Variants in TRPC4AP observed in about 807,000 individuals in gnomAD.
The protein encoded by TRPC4AP is transient receptor potential cation channel subfamily C member 4 associated protein, also known as short transient receptor potential channel 4-associated protein.
Under a neutral mutation model 99.0 loss-of-function variants are expected in TRPC4AP, and 45 were observed. The ratio of observed to expected loss-of-function variants is 0.45; its 90% confidence interval spans 0.36 to 0.58. TRPC4AP has a LOEUF of 0.58. Ranked by LOEUF, TRPC4AP falls within the 20% of genes least tolerant of loss-of-function variation. The pLI is 0.00. For missense variants in TRPC4AP, 879 were observed against 985.3 expected (o/e 0.89, Z 1.44); for synonymous variants, 408 against 385.8 (o/e 1.06, Z -0.67).
chr20:35,087,006 TGGG>T (rs2084904108), intron 1 of TRPC4AP, among the ~76,000 whole-genome samples: 1 of 149,092 alleles, frequency 6.7e-6, no homozygotes, highest in Admixed American at 6.7e-5. Flanking sequence ...CACTCCAGCC[TGGG>T]CAACAGCACG....
At chr20:35,031,964 A>G (rs970705133) in intron 8 of TRPC4AP, among the ~76,000 whole-genome samples, 2 of 152,144 alleles carry the variant, frequency 1.3e-5, no homozygotes, top group Non-Finnish European at 2.9e-5. Context: ...CCATCTCAGC[A>G]CACTGCAACC....
chr20:35,079,048 A>C (rs1310968193), intron 1 of TRPC4AP, among the ~76,000 whole-genome samples: 1 of 152,230 alleles, frequency 6.6e-6, no homozygotes, highest in African/African-American at 2.4e-5. Flanking sequence ...CCTGGGCGAC[A>C]GACCAAAACT....
chr20:35,038,036 A>G (rs1030697923), intron 7 of TRPC4AP, among the ~76,000 whole-genome samples: 1 of 151,618 alleles, frequency 6.6e-6, no homozygotes, highest in Non-Finnish European at 1.5e-5. Flanking sequence ...CACAGAGAAA[A>G]AAGCAGAATG....
At chr20:35,072,125 T>C (rs1220294629) in intron 2 of TRPC4AP, among the ~76,000 whole-genome samples, 2 of 152,246 alleles carry the variant, frequency 1.3e-5, no homozygotes, top group Non-Finnish European at 2.9e-5. Flanking sequence ...CAGTTTTTGA[T>C]GGGGCTGTTT....
chr20:35,019,130 C>T (rs561835087), intron 9 of TRPC4AP, among the ~76,000 whole-genome samples: 3 of 152,324 alleles, frequency 2.0e-5, no homozygotes, highest in African/African-American at 4.8e-5. Context: ...AGGAGGAAGC[C>T]TTCTGTGAGG....
chr20:35,015,899 T>C, intron 10 of TRPC4AP, 109 bp downstream of exon 10: 1 of 1,417,000 alleles, frequency 7.1e-7, no homozygotes, highest in Non-Finnish European at 9.6e-7. Flanking sequence ...ATGATTTTAG[T>C]TTCTGCTCTA....
chr20:35,056,985 C>CAAAAA (rs398035624), intron 4 of TRPC4AP, among the ~76,000 whole-genome samples: 1 of 90,294 alleles, frequency 1.1e-5, no homozygotes, highest in Non-Finnish European at 2.1e-5. Flanking sequence ...GAGACTGTCT[C>CAAAAA]AAAAAAAAAA....
chr20:35,085,184 A>C (rs2084805084), intron 1 of TRPC4AP, among the ~76,000 whole-genome samples: 1 of 152,242 alleles, frequency 6.6e-6, no homozygotes, highest in Non-Finnish European at 1.5e-5. Context: ...GGTGCAAAGC[A>C]GGCAGGGCAC....
intron 6 of TRPC4AP, among the ~76,000 whole-genome samples, chr20:35,047,684 G>A (rs1237025321): frequency 6.6e-6 from 1 of 152,118 alleles, no homozygotes; most frequent in Admixed American, 6.5e-5. Flanking sequence ...AATGTATATA[G>A]AAATGTCAAA....
intron 16 of TRPC4AP, 62 bp downstream of exon 16, chr20:35,005,633 G>C (rs1287130435): frequency 2.0e-6 from 3 of 1,465,352 alleles, no homozygotes; most frequent in Non-Finnish European, 2.9e-6. Context: ...CTGGAGACAG[G>C]GTGTCTGATG....
At chr20:35,083,842 T>C (rs914749591) in intron 1 of TRPC4AP, among the ~76,000 whole-genome samples, 1 of 151,720 alleles carries the variant, frequency 6.6e-6, no homozygotes, top group Non-Finnish European at 1.5e-5. Flanking sequence ...AAAAATGCTC[T>C]GGATTTGGTG....
chr20:35,012,690 G>A (rs2082664701), intron 11 of TRPC4AP, among the ~76,000 whole-genome samples: 1 of 152,246 alleles, frequency 6.6e-6, no homozygotes, highest in South Asian at 2.1e-4. Flanking sequence ...TAGCCACGCT[G>A]TCCACTCTTG....
At chr20:35,071,403 G>A (rs952425775) in intron 2 of TRPC4AP, among the ~76,000 whole-genome samples, 7 of 151,634 alleles carry the variant, frequency 4.6e-5, no homozygotes, top group African/African-American at 1.7e-4. Context: ...TTTATATTAG[G>A]TATATCTCCT....
In TRPC4AP at chr20:35,035,222, A is replaced by G. The variant is rs756439970; in HGVS notation, c.952T>C (p.Phe318Leu). The G allele has an allele frequency of 6.2e-7, 1 of 1,614,164 alleles. No homozygotes were observed. The highest frequency in any genetic ancestry group is 8.5e-7 in the Non-Finnish European group (1 of 1,180,014). The stretch of plus-strand genomic sequence containing the variant: ...TACCACTCTTCCAACTCCTGAAGGA[A>G]GCTGGCTGTGCCCGTTGACTCTGAC... ...KVSESTGTAS[F>L]LQELEEWYTW... is the part of the protein sequence containing the mutation. The change falls in exon 8 of 19, where the codon TTC becomes CTC. Residue 318 changes from phenylalanine (F) to leucine (L), a missense_variant. Around this residue, in one of 3 missense-constraint regions of TRPC4AP, gnomAD observed 603 missense variants for 631.8 expected, o/e 0.95. Transcript: ENST00000252015.
intron 14 of TRPC4AP, among the ~76,000 whole-genome samples, chr20:35,007,043 T>C (rs2082532377): frequency 6.6e-6 from 1 of 152,258 alleles, no homozygotes; most frequent in Non-Finnish European, 1.5e-5. Flanking sequence ...ACCAAAATAC[T>C]GAGTTTTCAT....
In TRPC4AP at chr20:35,065,965, G is replaced by A. The variant is rs144833757; in HGVS notation, c.414+3331C>T. Among the ~76,000 whole-genome samples the A allele has an allele frequency of 7.7e-3, 1,177 of 152,288 alleles. 13 individuals are homozygous for A. The highest frequency in any genetic ancestry group is 0.024 in the African/African-American group (1,009 of 41,566). ...CGACACTGCTGTGGAGAGGGAATGC[G>A]GAGCAGCAGTTAAAGAAGAAAGGCT... On this transcript the variant is annotated intron_variant, in intron 3 of 18. Coordinates refer to ENST00000252015, the MANE Select transcript of TRPC4AP (RefSeq NM_015638.3).
intron 11 of TRPC4AP, among the ~76,000 whole-genome samples, chr20:35,012,368 G>C (rs1005409638): frequency 6.6e-6 from 1 of 152,046 alleles, no homozygotes; most frequent in Non-Finnish European, 1.5e-5. Context: ...TGCAACAGTG[G>C]GCCCAGTTTC....
Position 35,044,564 on chromosome 20 carries a change from T to C in TRPC4AP, c.806A>G (p.Lys269Arg), listed in dbSNP as rs2083515643. 1.2e-6 allele frequency: 2 copies of C among 1,614,198 alleles called. No individual in the cohort carries two copies. The highest frequency in any genetic ancestry group is 2.2e-5 in the East Asian group (1 of 44,878). ...CAAGCTCTTCTTCTGTTGAGCATTT[T>C]TGGCAAGAAGCGTGTGCTTGTCATC... ...GNDDKHTLLA[K>R]NAQQKKSLSL... The change falls in exon 7 of 19, where the codon AAA (lysine) becomes AGA (arginine). Residue 269 changes from lysine to arginine, a missense_variant. Lys to Arg is a conservative substitution (Grantham distance 26, BLOSUM62 2). Around this residue, in one of 3 missense-constraint regions of TRPC4AP, gnomAD observed 603 missense variants for 631.8 expected, o/e 0.95. Coordinates refer to ENST00000252015, the MANE Select transcript of TRPC4AP (RefSeq NM_015638.3).
intron 4 of TRPC4AP, 110 bp from the exon 5 acceptor site, chr20:35,055,141 A>G: frequency 1.1e-6 from 1 of 949,014 alleles, no homozygotes; most frequent in Non-Finnish European, 1.6e-6. Context: ...CAAGATGATT[A>G]TTTTTCCTTT....
Sources: gnomAD v4.1 joint callset for allele counts (sites outside exome capture counted in the v4.1 genomes callset) on GRCh38, gnomAD v4.1.1 for gene constraint, gnomAD v4.1.1 regional missense constraint, MANE v1.5 for transcripts, NCBI Gene and HGNC (gene_info 2026-07-23, HGNC 2026-07-21) for gene names.